KRABD5: variants seen among roughly 807,000 people sequenced by gnomAD.
KRABD5 encodes the protein KRAB domain containing 5.
the KRABD5 span, chr16:31,759,199 T>C: frequency 9.8e-6 from 7 of 715,350 alleles, no homozygotes; most frequent in African/African-American, 5.3e-5. Flanking sequence ...AAATGTCCAT[T>C]AATAAGAAAA....
the KRABD5 span, chr16:31,733,648 T>A: frequency 2.2e-6 from 1 of 455,736 alleles, no homozygotes; most frequent in Non-Finnish European, 4.4e-6. Flanking sequence ...TTAAACAGTG[T>A]CTCTTTCTTT....
At chr16:31,722,747 C>T in the KRABD5 span, 19 of 1,590,948 alleles carry the variant, frequency 1.2e-5, no homozygotes, top group Middle Eastern at 5.0e-4. Context: ...AACCTGGTCT[C>T]TCTGGGTGAG....
At chr16:31,738,006 C>T in the KRABD5 span, among the ~76,000 whole-genome samples, 2 of 152,000 alleles carry the variant, frequency 1.3e-5, no homozygotes, top group African/African-American at 2.4e-5. Context: ...ATGGACATGC[C>T]ATTTTTCTTT....
At chr16:31,743,807 G>C in the KRABD5 span, among the ~76,000 whole-genome samples, 3 of 152,054 alleles carry the variant, frequency 2.0e-5, no homozygotes, top group African/African-American at 7.2e-5. Flanking sequence ...TTGAGCAGTG[G>C]TTTGAAGTTC....
At chr16:31,744,242 A>G in the KRABD5 span, among the ~76,000 whole-genome samples, 3 of 152,292 alleles carry the variant, frequency 2.0e-5, no homozygotes, top group Admixed American at 2.0e-4. Flanking sequence ...CTCATTCAAT[A>G]TGATATTGGC....
the KRABD5 span, among the ~76,000 whole-genome samples, chr16:31,753,604 T>C: frequency 1.3e-5 from 2 of 152,208 alleles, no homozygotes; most frequent in Non-Finnish European, 2.9e-5. Flanking sequence ...GTCACCCTAT[T>C]ACATTTAAGT....
chr16:31,759,553 A>G, the KRABD5 span: 36 of 874,834 alleles, frequency 4.1e-5, 1 homozygote, highest in African/African-American at 4.1e-4. Context: ...CACAAAAAAA[A>G]TCTTAAAAAA....
the KRABD5 span, chr16:31,756,485 G>A: frequency 6.6e-6 from 1 of 151,108 alleles, no homozygotes; most frequent in Non-Finnish European, 1.5e-5. Flanking sequence ...CATCTTCACA[G>A]ATATCAGAGA....
At chr16:31,739,213 A>G in the KRABD5 span, among the ~76,000 whole-genome samples, 2 of 152,118 alleles carry the variant, frequency 1.3e-5, no homozygotes, top group African/African-American at 4.8e-5. Context: ...AACTGCCTCT[A>G]TTTAGCAGTT....
At chr16:31,739,087 C>T in the KRABD5 span, among the ~76,000 whole-genome samples, 1 of 152,028 alleles carries the variant, frequency 6.6e-6, no homozygotes, top group African/African-American at 2.4e-5. Context: ...TTCTATGCAC[C>T]ATCATTATAA....
At chr16:31,734,719 T>C in the KRABD5 span, among the ~76,000 whole-genome samples, 3 of 152,046 alleles carry the variant, frequency 2.0e-5, no homozygotes, top group African/African-American at 7.2e-5. Context: ...TGTTATACTC[T>C]GCTTATATCA....
the KRABD5 span, among the ~76,000 whole-genome samples, chr16:31,729,453 A>G: frequency 6.6e-6 from 1 of 152,174 alleles, no homozygotes; most frequent in Non-Finnish European, 1.5e-5. Context: ...TTTATAACAA[A>G]CGCACACTTG....
the KRABD5 span, chr16:31,722,820 G>T: frequency 6.8e-7 from 1 of 1,465,198 alleles, no homozygotes; most frequent in South Asian, 1.5e-5. Context: ...TTCCTTTGTA[G>T]AATGTCACTT....
the KRABD5 span, among the ~76,000 whole-genome samples, chr16:31,733,810 A>T: frequency 6.6e-6 from 1 of 152,144 alleles, no homozygotes; most frequent in Non-Finnish European, 1.5e-5. Flanking sequence ...GAACATTTTG[A>T]TTGCTTCCAG....
At chr16:31,752,284 T>G in the KRABD5 span, among the ~76,000 whole-genome samples, 13 of 152,228 alleles carry the variant, frequency 8.5e-5, no homozygotes, top group Admixed American at 3.9e-4. Context: ...GTTGGTCTAT[T>G]CTGTAGATGC....
the KRABD5 span, among the ~76,000 whole-genome samples, chr16:31,750,898 T>C: frequency 6.6e-6 from 1 of 152,144 alleles, no homozygotes; most frequent in Admixed American, 6.5e-5. Context: ...TACCTGTGAC[T>C]ACAGGAATGT....
the KRABD5 span, among the ~76,000 whole-genome samples, chr16:31,729,068 T>C: frequency 4.6e-5 from 7 of 152,324 alleles, no homozygotes; most frequent in African/African-American, 1.4e-4. Flanking sequence ...TCAGACAGCC[T>C]GTTTTGTCTA....
the KRABD5 span, among the ~76,000 whole-genome samples, chr16:31,721,214 AT>A: frequency 6.6e-6 from 1 of 152,272 alleles, no homozygotes; most frequent in East Asian, 1.9e-4. Flanking sequence ...TTTTAACACA[AT>A]TTAAAATATT....
the KRABD5 span, among the ~76,000 whole-genome samples, chr16:31,737,742 A>C: frequency 2.0e-5 from 3 of 152,176 alleles, no homozygotes; most frequent in Non-Finnish European, 4.4e-5. Context: ...ATCAGAAAGT[A>C]TGATGCCTCT....
Sources: allele counts gnomAD v4.1 joint callset (sites outside exome capture counted in the v4.1 genomes callset), GRCh38; gene constraint gnomAD v4.1.1; transcripts MANE v1.5; gene names NCBI Gene and HGNC (gene_info 2026-07-23, HGNC 2026-07-21).